PANX1: variants seen among roughly 807,000 people sequenced by gnomAD.
PANX1 encodes the protein pannexin 1, also known as pannexin-1.
PANX1 carries 30 observed loss-of-function variants against 38.7 expected under a neutral mutation model. The ratio of observed to expected loss-of-function variants is 0.78; its 90% confidence interval spans 0.58 to 1.05. The LOEUF (loss-of-function observed/expected upper bound fraction) is 1.05, where lower values mean the gene tolerates loss of function less well. Among genes scored for constraint, PANX1 ranks in the 50% least tolerant of loss-of-function variants. The probability of loss-of-function intolerance (pLI) is 0.00; values close to 1 mark genes in which losing one functional copy is unlikely to be tolerated. For missense variants in PANX1, 551 were observed against 517.2 expected, an observed-to-expected ratio of 1.07 and a Z score of -0.63; for synonymous variants, 230 against 212.2, an observed-to-expected ratio of 1.08 and a Z score of -0.73.
intron 2 of PANX1, among the ~76,000 whole-genome samples, chr11:94,162,532 ATCT>A (rs578178585): frequency 3.2e-4 from 49 of 152,286 alleles, no homozygotes; most frequent in South Asian, 2.5e-3. Context: ...GCTGGATATA[ATCT>A]TCTGGTGTGC....
Position 94,153,584 on chromosome 11 carries a change from A to T in PANX1, c.275A>T (p.Asn92Ile). The T allele has an allele frequency of 6.2e-7, 1 of 1,613,934 alleles. No homozygotes were observed. Among genetic ancestry groups the T allele is most frequent in the Non-Finnish European group, 8.5e-7 (1 of 1,179,914 alleles). Residue 92 changes from asparagine (N) to isoleucine (I), a missense_variant, in exon 2 of 5, where the codon AAC (asparagine) becomes ATC (isoleucine). Coordinates refer to ENST00000227638, the MANE Select transcript of PANX1 (RefSeq NM_015368.4). ...SYCWAAVQQK[N>I]SLQSESGNLP... is the part of the protein sequence containing the mutation. ...TGCTGGGCGGCTGTTCAGCAGAAGA[A>T]CTCACTGCAGAGCGAGTCTGGAAAC... is the stretch of plus-strand genomic sequence containing the variant.
chr11:94,179,240 A>G (rs936705121), intron 3 of PANX1, among the ~76,000 whole-genome samples: 16 of 152,170 alleles, frequency 1.1e-4, no homozygotes, highest in African/African-American at 3.9e-4. Flanking sequence ...GAACTGAACC[A>G]TGCCCTTTAG....
chr11:94,175,202 C>G (rs1035819602), intron 2 of PANX1, among the ~76,000 whole-genome samples: 5 of 151,548 alleles, frequency 3.3e-5, no homozygotes, highest in African/African-American at 1.2e-4. Flanking sequence ...ATTTTGGATT[C>G]TTATTTCCTG....
At chr11:94,139,597 C>G (rs1012424013) in intron 1 of PANX1, among the ~76,000 whole-genome samples, 2 of 152,222 alleles carry the variant, frequency 1.3e-5, no homozygotes, top group Admixed American at 1.3e-4. Context: ...AGGGAACCAA[C>G]TATGTGATTA....
At chr11:94,175,323 G>A (rs1294291736) in intron 2 of PANX1, among the ~76,000 whole-genome samples, 1 of 151,666 alleles carries the variant, frequency 6.6e-6, no homozygotes, top group Non-Finnish European at 1.5e-5. Flanking sequence ...ATTAAATGAT[G>A]TTATTATAGT....
At chr11:94,180,345 C>G (rs1947291664) in intron 4 of PANX1, 88 bp downstream of exon 4, 1 of 1,150,584 alleles carries the variant, frequency 8.7e-7, no homozygotes, top group South Asian at 1.6e-5. Context: ...TTTACCCTGC[C>G]CATCATTTAA....
chr11:94,173,736 C>G (rs1186224192), intron 2 of PANX1, among the ~76,000 whole-genome samples: 1 of 151,788 alleles, frequency 6.6e-6, no homozygotes, highest in East Asian at 1.9e-4. Context: ...TTCTTTGCCT[C>G]TGTAGTGGTT....
chr11:94,157,800 A>T (rs962115387), intron 2 of PANX1, among the ~76,000 whole-genome samples: 5 of 152,098 alleles, frequency 3.3e-5, no homozygotes, highest in African/African-American at 9.7e-5. Flanking sequence ...GGTGTTTTAG[A>T]CATGAAGTCC....
In PANX1 at chr11:94,180,295, C is replaced by T. The variant is rs201643525; in HGVS notation, c.1201+38C>T. 80 of 1,496,230 alleles carry T rather than the reference C, an allele frequency of 5.3e-5. No individual in the cohort carries two copies. The African/African-American group carries it at 9.3e-4, about 17-fold the overall frequency. The allele number at this position is 1,496,230 out of a possible 1,614,324, so 92.7% of individuals were successfully genotyped here. Reference sequence around the variant, plus strand: ...TTTGGCAGAGGCTACGGGAGTCTACCGAGAGCCTTTGCAGCAGCCTTGTGG... The same window carrying T: ...TTTGGCAGAGGCTACGGGAGTCTACTGAGAGCCTTTGCAGCAGCCTTGTGG... On this transcript the variant is annotated intron_variant, in intron 4 of 4. Transcript: ENST00000227638.
intron 1 of PANX1, among the ~76,000 whole-genome samples, chr11:94,134,844 G>C (rs1041196284): frequency 1.3e-5 from 2 of 152,124 alleles, no homozygotes; most frequent in African/African-American, 2.4e-5. Context: ...CTGGTACCTT[G>C]ATCTTGAACT....
chr11:94,173,867 A>G (rs1255512240), intron 2 of PANX1, among the ~76,000 whole-genome samples: 1 of 151,802 alleles, frequency 6.6e-6, no homozygotes, highest in Non-Finnish European at 1.5e-5. Flanking sequence ...TAGATCTGCT[A>G]TAACAAATTA....
At chr11:94,151,544 G>C (rs887781694) in intron 1 of PANX1, among the ~76,000 whole-genome samples, 1 of 152,188 alleles carries the variant, frequency 6.6e-6, no homozygotes, top group South Asian at 2.1e-4. Context: ...GAAACCATCT[G>C]ATTGTAACCT....
At chr11:94,165,756 C>T (rs978797696) in intron 2 of PANX1, among the ~76,000 whole-genome samples, 5 of 151,988 alleles carry the variant, frequency 3.3e-5, no homozygotes, top group Admixed American at 2.0e-4. Context: ...TCTACACATA[C>T]AAAATTAGCC....
At chr11:94,167,746 C>T (rs73512272) in intron 2 of PANX1, among the ~76,000 whole-genome samples, 75 of 152,284 alleles carry the variant, frequency 4.9e-4, no homozygotes, top group African/African-American at 1.7e-3. Context: ...TTTCAGCTAA[C>T]GTTGATTGAG....
intron 2 of PANX1, among the ~76,000 whole-genome samples, chr11:94,161,555 G>A (rs1443428666): frequency 3.3e-5 from 5 of 152,136 alleles, no homozygotes; most frequent in African/African-American, 7.2e-5. Context: ...TTCTCGTGCC[G>A]TGGTTTTCAG....
Position 94,172,149 on chromosome 11 carries a change from C to G in PANX1, c.322-6220C>G, listed in dbSNP as rs1186878803. On this transcript the variant is annotated intron_variant, in intron 2 of 4. Transcript: ENST00000227638. ...CAGAGGCTTCCAAACCTTAGCATTG[C>G]CAGAGTGGCCTTGTGAAAATTCAGG... 4.0e-5 allele frequency among the ~76,000 whole-genome samples: 6 copies of G among 151,772 alleles called. No individual in the cohort carries two copies. In the East Asian group the frequency reaches 1.2e-3, roughly 29 times the overall value.
At chr11:94,171,117 C>T (rs543771234) in intron 2 of PANX1, among the ~76,000 whole-genome samples, 1 of 151,758 alleles carries the variant, frequency 6.6e-6, no homozygotes, top group East Asian at 1.9e-4. Context: ...CATCCTCCTT[C>T]ACCACCCCAA....
chr11:94,135,674 T>G (rs755853193), intron 1 of PANX1, among the ~76,000 whole-genome samples: 3 of 152,194 alleles, frequency 2.0e-5, no homozygotes, highest in African/African-American at 7.2e-5. Flanking sequence ...TGGATACATG[T>G]TTTACTTTGT....
rs112758554 is a variant in PANX1 at position 94,142,046 on chromosome 11, T to C, written c.182-11445T>C. Among the ~76,000 whole-genome samples, 1,027 of 152,282 alleles carry C rather than the reference T, an allele frequency of 6.7e-3. 6 individuals carry two copies. The highest frequency in any genetic ancestry group is 0.011 in the Non-Finnish European group (727 of 68,000). On this transcript the variant is annotated intron_variant, in intron 1 of 4. Transcript: ENST00000227638. ...GAGTGGGGCTAGAGTGCATTGCTCT[T>C]TCCAGAGCCTGGGTTCTCAGGCACT...
Sources: gnomAD v4.1 joint callset for allele counts (sites outside exome capture counted in the v4.1 genomes callset) on GRCh38, gnomAD v4.1.1 for gene constraint, MANE v1.5 for transcripts, NCBI Gene and HGNC (gene_info 2026-07-23, HGNC 2026-07-21) for gene names.